The following SVIL variants were observed in gnomAD, a reference collection of about 807,000 sequenced individuals.
The protein encoded by SVIL is supervillin.
Under a neutral mutation model 240.4 loss-of-function variants are expected in SVIL, and 101 were observed. The ratio of observed to expected loss-of-function variants is 0.42; its 90% CI spans 0.36 to 0.50. The LOEUF is 0.50. Ranked by LOEUF, SVIL falls within the 20% of genes least tolerant of loss-of-function variation. SVIL has a pLI of 0.01. For missense variants in SVIL, 2,512 were observed against 2,818.7 expected, an observed-to-expected ratio of 0.89 and a Z score of 2.46; for synonymous variants, 999 against 1,100.0, an observed-to-expected ratio of 0.91 and a Z score of 1.82.
chr10:29,604,363 C>CTT (rs71525560), intron 1 of SVIL, among the ~76,000 whole-genome samples: 615 of 38,378 alleles, frequency 0.016, 64 homozygotes, highest in Non-Finnish European at 0.026. Context: ...CCATGTCTGG[C>CTT]TTTTTTTTTT....
rs147889061 is a variant in SVIL at position 29,705,957 on chromosome 10, T to C, written c.-399-19306A>G. On this transcript the variant is annotated intron_variant, in intron 1 of 35. Coordinates refer to the SVIL transcript ENST00000375400. ...GTGCTGCAATGAACATATGTGTGCA[T>C]GTTTCTTTATAATAGAATAATTGAT... is the stretch of plus-strand genomic sequence containing the variant. Among the ~76,000 whole-genome samples the C allele has an allele frequency of 3.3e-5, 5 of 152,346 alleles. No homozygotes were observed. The East Asian group carries it at 9.6e-4, about 29-fold the overall frequency.
At chr10:29,626,521 A>T (rs1197065456) in intron 1 of SVIL, among the ~76,000 whole-genome samples, 3 of 152,216 alleles carry the variant, frequency 2.0e-5, no homozygotes, top group Non-Finnish European at 4.4e-5. Context: ...AGCACATCCC[A>T]TCTTGTTGTG....
At chr10:29,665,152 A>G (rs1245267466) in intron 2 of SVIL, among the ~76,000 whole-genome samples, 3 of 146,586 alleles carry the variant, frequency 2.0e-5, no homozygotes, top group Non-Finnish European at 3.0e-5. Context: ...ACTTGAGCTC[A>G]GGAGTTCGAG....
intron 5 of SVIL, among the ~76,000 whole-genome samples, chr10:29,552,346 C>T (rs371175132): frequency 1.3e-5 from 2 of 151,700 alleles, no homozygotes; most frequent in East Asian, 1.9e-4. Context: ...AGGCAGATCA[C>T]GAGGTCAGGA....
intron 1 of SVIL, among the ~76,000 whole-genome samples, chr10:29,696,743 C>T (rs960669756): frequency 6.7e-6 from 1 of 150,016 alleles, no homozygotes; most frequent in African/African-American, 2.4e-5. Flanking sequence ...AAGTGAGGAG[C>T]CCCTCCGCCT....
intron 2 of SVIL, among the ~76,000 whole-genome samples, chr10:29,672,639 C>A (rs1452853858): frequency 6.6e-6 from 1 of 152,138 alleles, no homozygotes; most frequent in Non-Finnish European, 1.5e-5. Context: ...ATGTTTATTT[C>A]TTTCATTTGC....
At chr10:29,501,231 G>A (rs1948865800) in intron 17 of SVIL, among the ~76,000 whole-genome samples, 1 of 106,816 alleles carries the variant, frequency 9.4e-6, no homozygotes, top group Non-Finnish European at 2.1e-5. Context: ...CATTATTGGA[G>A]GAAACTGACA....
rs557241963 is a variant in SVIL at position 29,480,411 on chromosome 10, A to G, written c.5377+126T>C. The G allele has an allele frequency of 1.7e-5, 21 of 1,222,980 alleles. No individual in the cohort carries two copies. In the East Asian group the frequency reaches 4.0e-4, roughly 23 times the overall value. The allele number at this position is 1,222,980 out of a possible 1,614,324, so 75.8% of individuals were successfully genotyped here. A position where few individuals can be genotyped will look rare whatever the true frequency, so the allele number is the denominator to read the frequency against. ...TTTACTAGGTGGCTCTCAAAGGCGC[A>G]TGACTGCAGTGCCCCACTGCACGGA... On this transcript the variant is annotated intron_variant, in intron 29 of 37. Coordinates refer to ENST00000355867, the MANE Select transcript of SVIL (RefSeq NM_021738.3).
intron 2 of SVIL, among the ~76,000 whole-genome samples, chr10:29,668,126 A>G (rs2133052216): frequency 6.6e-6 from 1 of 152,344 alleles, no homozygotes; most frequent in African/African-American, 2.4e-5. Context: ...TCCCTTAGCC[A>G]TATAAAATTT....
At chr10:29,522,207 C>T (rs1273727410) in intron 16 of SVIL, among the ~76,000 whole-genome samples, 2 of 152,148 alleles carry the variant, frequency 1.3e-5, no homozygotes, top group African/African-American at 2.4e-5. Flanking sequence ...AAACCAGGCT[C>T]ATTACCAAAC....
chr10:29,574,758 T>TCCCAGCCCTGG (rs1258880116), intron 1 of SVIL, among the ~76,000 whole-genome samples: 3 of 152,272 alleles, frequency 2.0e-5, no homozygotes, highest in East Asian at 3.9e-4. Flanking sequence ...TCATAGGGCC[T>TCCCAGCCCTGG]CCCAGCCCTG....
chr10:29,695,557 C>T lies in SVIL; in HGVS notation c.-399-8906G>A, dbSNP rs185712120. On this transcript the variant is annotated intron_variant, in intron 1 of 35. Coordinates refer to the SVIL transcript ENST00000375400. ...GGTCAGGAGTTTCAGACCAGCCTGACCAACATGGTGAAACCCGTCTCTACT... is the reference window on the plus strand; with the variant it reads ...GGTCAGGAGTTTCAGACCAGCCTGATCAACATGGTGAAACCCGTCTCTACT... Among the ~76,000 whole-genome samples the T allele has an allele frequency of 5.1e-4, 78 of 152,072 alleles. 1 individual carries two copies. Among genetic ancestry groups the T allele is most frequent in the African/African-American group, 1.8e-3 (73 of 41,492 alleles).
chr10:29,702,848 G>A lies in SVIL; in HGVS notation c.-399-16197C>T, dbSNP rs982010234. On this transcript the variant is annotated intron_variant, in intron 1 of 35. Transcript: ENST00000375400. ...CATAGATACCTTCATTTATTTTGAA[G>A]TTGCCTCCTTTGACTTCAGACTTTA... Among the ~76,000 whole-genome samples, 9 of 152,146 alleles carry A rather than the reference G, an allele frequency of 5.9e-5. No homozygotes were observed. In the South Asian group the frequency reaches 1.4e-3, roughly 24 times the overall value.
chr10:29,527,145 G>A (rs1223625765), intron 12 of SVIL, 89 bp from the exon 13 acceptor site: 35 of 1,198,600 alleles, frequency 2.9e-5, no homozygotes, highest in Non-Finnish European at 4.0e-5. Flanking sequence ...ATTCAGAAAC[G>A]TTAAATCAAA....
chr10:29,524,798 T>G (rs1950787606), intron 13 of SVIL, 83 bp from the exon 14 acceptor site: 1 of 1,574,292 alleles, frequency 6.4e-7, no homozygotes, highest in South Asian at 1.2e-5. Flanking sequence ...TTCTGCCAAG[T>G]GTCACATCAT....
chr10:29,609,163 A>G (rs1317043478), intron 1 of SVIL, among the ~76,000 whole-genome samples: 1 of 152,150 alleles, frequency 6.6e-6, no homozygotes, highest in Non-Finnish European at 1.5e-5. Context: ...GCATAACCTC[A>G]TTCTTCCTAG....
intron 1 of SVIL, among the ~76,000 whole-genome samples, chr10:29,704,325 C>A (rs960072892): frequency 2.0e-5 from 3 of 152,198 alleles, no homozygotes; most frequent in African/African-American, 7.2e-5. Context: ...ACTGAGCATG[C>A]ACCAAACTGT....
intron 20 of SVIL, 59 bp from the exon 21 acceptor site, chr10:29,493,450 C>T: frequency 6.4e-7 from 1 of 1,573,316 alleles, no homozygotes; most frequent in South Asian, 1.1e-5. Context: ...TCCAATTATG[C>T]TTCACAATAG....
At chr10:29,491,042 G>T (rs762856881) in intron 21 of SVIL, 23 bp from the exon 22 acceptor site, 3 of 1,605,192 alleles carry the variant, frequency 1.9e-6, no homozygotes, top group African/African-American at 1.3e-5. Context: ...GCAGAGCCGC[G>T]GTCCCAGTCT....
Sources: allele counts gnomAD v4.1 joint callset (sites outside exome capture counted in the v4.1 genomes callset), GRCh38; gene constraint gnomAD v4.1.1; transcripts MANE v1.5; gene names NCBI Gene and HGNC (gene_info 2026-07-23, HGNC 2026-07-21).